PTPRN2: variants seen among roughly 807,000 people sequenced by gnomAD.
The protein encoded by PTPRN2 is receptor-type tyrosine-protein phosphatase N2.
PTPRN2 carries 74 observed loss-of-function variants against 118.8 expected under a neutral mutation model. The observed-to-expected ratio is 0.62, with a 90% confidence interval of 0.52 to 0.76. The LOEUF is 0.76. Among genes scored for constraint, PTPRN2 ranks in the 30% least tolerant of loss-of-function variants. The pLI is 0.00. For synonymous variants in PTPRN2, 641 were observed against 608.0 expected (o/e 1.05, Z -0.80); for missense variants, 1,481 against 1,394.4 (o/e 1.06, Z -0.99).
At chr7:158,325,235 C>T (rs556083953) in intron 2 of PTPRN2, among the ~76,000 whole-genome samples, 12 of 151,912 alleles carry the variant, frequency 7.9e-5, no homozygotes, top group African/African-American at 1.2e-4. Context: ...TTCCACCAAA[C>T]GCCGTGAACA....
At chr7:158,243,134 C>G (rs1433731722) in intron 3 of PTPRN2, among the ~76,000 whole-genome samples, 1 of 152,154 alleles carries the variant, frequency 6.6e-6, no homozygotes, top group African/African-American at 2.4e-5. Context: ...ATAAGCTAAC[C>G]CAGGAAGCTG....
In PTPRN2 at chr7:157,964,188, C is replaced by T. The variant is rs990911315; in HGVS notation, c.1724-65451G>A. Among the ~76,000 whole-genome samples, 2 of 152,160 alleles carry T rather than the reference C, an allele frequency of 1.3e-5. No homozygotes were observed. The highest frequency in any genetic ancestry group is 1.3e-4 in the Admixed American group (2 of 15,274). ...CAGCTGGGTGGGGTAGTGTTGAGTTCTGGTCCTGGTCCCACCGACCTGGGC... is the reference window on the plus strand; with the variant it reads ...CAGCTGGGTGGGGTAGTGTTGAGTTTTGGTCCTGGTCCCACCGACCTGGGC... On this transcript the variant is annotated intron_variant, in intron 11 of 22. Coordinates refer to ENST00000389418, the MANE Select transcript of PTPRN2 (RefSeq NM_002847.5). This position sits in a 1 kb window ranked among gnomAD's most constrained non-coding sequence, Gnocchi z 9.0.
chr7:158,523,217 G>C (rs772795582), intron 1 of PTPRN2, among the ~76,000 whole-genome samples: 60 of 152,160 alleles, frequency 3.9e-4, no homozygotes, highest in Non-Finnish European at 6.5e-4. Flanking sequence ...GGGAGCCCCA[G>C]TGTGACCAGG....
At chr7:158,384,636 A>G (rs1811194329) in intron 2 of PTPRN2, among the ~76,000 whole-genome samples, 1 of 152,236 alleles carries the variant, frequency 6.6e-6, no homozygotes, top group Admixed American at 6.5e-5. Flanking sequence ...GGATTAAGCC[A>G]GAAGGGTGTT....
intron 12 of PTPRN2, among the ~76,000 whole-genome samples, chr7:157,694,173 TG>T (rs1325366035): frequency 2.0e-5 from 3 of 152,262 alleles, no homozygotes; most frequent in Non-Finnish European, 2.9e-5. Flanking sequence ...ACCGCATTCC[TG>T]ATTTGATCTT....
intron 12 of PTPRN2, among the ~76,000 whole-genome samples, chr7:157,689,299 C>A (rs986438577): frequency 6.6e-6 from 1 of 152,228 alleles, no homozygotes; most frequent in Non-Finnish European, 1.5e-5. Context: ...CCCTCGGACA[C>A]CCTGCGCTCC....
intron 6 of PTPRN2, among the ~76,000 whole-genome samples, chr7:158,159,670 T>C (rs1201743269): frequency 7.5e-6 from 1 of 134,016 alleles, no homozygotes; most frequent in Non-Finnish European, 1.8e-5. Context: ...TATTTGTCAT[T>C]GGTTCATTTA....
In PTPRN2 at chr7:157,761,687, T is replaced by C. The variant is rs1802139989; in HGVS notation, c.1789-78750A>G. ...GGCATTACCATTCAGGACATAGGCA[T>C]GGGCAAGGACTTCATGTCTAAAACG... On this transcript the variant is annotated intron_variant, in intron 12 of 22. Coordinates refer to ENST00000389418, the MANE Select transcript of PTPRN2 (RefSeq NM_002847.5). Among the ~76,000 whole-genome samples, 2 of 148,624 alleles carry C rather than the reference T, an allele frequency of 1.3e-5. 1 individual carries two copies.
At chr7:158,077,129 C>T (rs931554138) in intron 11 of PTPRN2, among the ~76,000 whole-genome samples, 10 of 152,326 alleles carry the variant, frequency 6.6e-5, no homozygotes, top group South Asian at 2.1e-4. Flanking sequence ...TAACGCAGAA[C>T]GCTGCGGGCT....
At position 157,787,969 on chromosome 7, in the gene PTPRN2, G is replaced by C. The variant is rs1804179836; in HGVS notation, c.1789-105032C>G. On this transcript the variant is annotated intron_variant, in intron 12 of 22. Transcript: ENST00000389418. The surrounding 1 kb of genome is among the most constrained non-coding windows in gnomAD (Gnocchi z 5.3). ...TGGGGAGCCAGCACCGGGTCCCCTG[G>C]GAACCACGCAGCCGGGGCCTGGAGG... 6.6e-6 allele frequency among the ~76,000 whole-genome samples: 1 copy of C among 152,216 alleles called. No homozygotes were observed.
Position 157,928,593 on chromosome 7 carries a change from G to A in PTPRN2, c.1724-29856C>T, listed in dbSNP as rs565812741. Among the ~76,000 whole-genome samples the A allele has an allele frequency of 5.3e-5, 8 of 151,540 alleles. No homozygotes were observed. In the South Asian group the frequency reaches 1.3e-3, roughly 24 times the overall value. On this transcript the variant is annotated intron_variant, in intron 11 of 22. Coordinates refer to ENST00000389418, the MANE Select transcript of PTPRN2 (RefSeq NM_002847.5). ...CCCAGGACACTCCCCGTGTCTCAGCGTCACTACCAGGCTCTCACAAGCTGA... is the reference window on the plus strand; with the variant it reads ...CCCAGGACACTCCCCGTGTCTCAGCATCACTACCAGGCTCTCACAAGCTGA...
At chr7:157,806,618 G>C (rs1805651871) in intron 12 of PTPRN2, among the ~76,000 whole-genome samples, 2 of 152,214 alleles carry the variant, frequency 1.3e-5, no homozygotes, top group East Asian at 1.9e-4. Flanking sequence ...ATATATGCAT[G>C]TGTATGTGCA....
chr7:158,271,882 A>G (rs572986871), intron 3 of PTPRN2, among the ~76,000 whole-genome samples: 105 of 151,948 alleles, frequency 6.9e-4, no homozygotes, highest in African/African-American at 2.2e-3. Flanking sequence ...CCCTAACACC[A>G]TGGCCTTGGG....
At chr7:158,151,502 C>T (rs1821133768) in intron 6 of PTPRN2, among the ~76,000 whole-genome samples, 1 of 152,212 alleles carries the variant, frequency 6.6e-6, no homozygotes, top group Non-Finnish European at 1.5e-5. Context: ...ACACCGCCCG[C>T]CTTTCTGCTC....
intron 3 of PTPRN2, among the ~76,000 whole-genome samples, chr7:158,263,083 CCACA>C (rs764361393): frequency 4.8e-5 from 7 of 146,206 alleles, no homozygotes; most frequent in South Asian, 2.2e-4. Flanking sequence ...ATCACACACA[CCACA>C]CACATTCACA....
intron 13 of PTPRN2, among the ~76,000 whole-genome samples, chr7:157,668,107 C>T (rs139959804): frequency 1.3e-3 from 195 of 152,378 alleles, no homozygotes; most frequent in African/African-American, 4.4e-3. Context: ...GCCGTAGAGC[C>T]GCCTGCTCCT....
chr7:158,402,166 G>A (rs10253961), intron 2 of PTPRN2, among the ~76,000 whole-genome samples: 65,193 of 151,984 alleles, frequency 0.43, 14,552 homozygotes, highest in Non-Finnish European at 0.49. Flanking sequence ...AGGACAGCCC[G>A]GTGGGAGAGT....
At chr7:158,244,495 TTA>T (rs1236965275) in intron 3 of PTPRN2, among the ~76,000 whole-genome samples, 3 of 152,136 alleles carry the variant, frequency 2.0e-5, no homozygotes, top group Non-Finnish European at 2.9e-5. Context: ...CTATGAGTGT[TTA>T]TGAGTTTTTG....
At chr7:158,210,600 C>T in intron 3 of PTPRN2, among the ~76,000 whole-genome samples, 1 of 150,782 alleles carries the variant, frequency 6.6e-6, no homozygotes, top group South Asian at 2.1e-4. Context: ...AGAGAAAAGA[C>T]CCAAATAAAT....
Sources: gnomAD v4.1 joint callset for allele counts (sites outside exome capture counted in the v4.1 genomes callset) on GRCh38, gnomAD v4.1.1 for gene constraint, Gnocchi (gnomAD v3.1) non-coding constraint, MANE v1.5 for transcripts, NCBI Gene and HGNC (gene_info 2026-07-23, HGNC 2026-07-21) for gene names.